Variants in TRMT44 observed in about 807,000 individuals in gnomAD.
The protein encoded by TRMT44 is tRNA methyltransferase 44 homolog.
TRMT44 carries 78 observed loss-of-function variants against 77.3 expected under a neutral mutation model. That is an observed-to-expected ratio of 1.01 (90% CI 0.84 to 1.22). The LOEUF is 1.22. TRMT44 is among the 50% of genes most tolerant of loss of function. The pLI is 0.00. For synonymous variants in TRMT44, 391 were observed against 383.3 expected, an observed-to-expected ratio of 1.02 and a Z score of -0.23; for missense variants, 1,090 against 964.4, an observed-to-expected ratio of 1.13 and a Z score of -1.73.
At chr4:8,486,218 G>C (rs897906337) in intron 2 of TRMT44, among the ~76,000 whole-genome samples, 2 of 152,222 alleles carry the variant, frequency 1.3e-5, no homozygotes, top group African/African-American at 2.4e-5. Context: ...CCTTGGCCTG[G>C]TGGCCAGATT....
chr4:8,467,032 C>A (rs992579775), intron 8 of TRMT44, among the ~76,000 whole-genome samples: 2 of 152,220 alleles, frequency 1.3e-5, no homozygotes, highest in African/African-American at 4.8e-5. Context: ...GGTGCCCTTG[C>A]TGGGGCTGGG....
intron 2 of TRMT44, among the ~76,000 whole-genome samples, chr4:8,481,581 A>G (rs116960732): frequency 6.6e-6 from 1 of 152,308 alleles, no homozygotes; most frequent in East Asian, 1.9e-4. Context: ...CCAACCTACT[A>G]TGTCACTCCT....
chr4:8,483,109 T>C (rs1037576325), intron 2 of TRMT44, among the ~76,000 whole-genome samples: 1 of 152,088 alleles, frequency 6.6e-6, no homozygotes, highest in Non-Finnish European at 1.5e-5. Flanking sequence ...TTTGTATGAA[T>C]TGAAAAACTA....
At chr4:8,460,673 C>A (rs1027546967) in intron 6 of TRMT44, among the ~76,000 whole-genome samples, 2 of 151,860 alleles carry the variant, frequency 1.3e-5, no homozygotes, top group African/African-American at 4.8e-5. Flanking sequence ...TGTGCCTCAA[C>A]CTCCCGGGTA....
intron 6 of TRMT44, 177 bp downstream of exon 6, chr4:8,454,990 A>G: frequency 1.5e-6 from 1 of 646,506 alleles, no homozygotes; most frequent in South Asian, 2.0e-5. Flanking sequence ...ACTAGACTTC[A>G]CAGAACCTTC....
intron 10 of TRMT44, 138 bp downstream of exon 10, chr4:8,471,338 G>C: frequency 1.7e-6 from 1 of 594,214 alleles, no homozygotes; most frequent in Non-Finnish European, 2.8e-6. Context: ...GCCCCACCCA[G>C]CTCTGACGTG....
chr4:8,441,415 C>T lies in TRMT44; in HGVS notation c.593C>T (p.Thr198Ile). The T allele has an allele frequency of 5.3e-6, 8 of 1,521,478 alleles. No individual in the cohort carries two copies. The highest frequency in any genetic ancestry group is 7.0e-6 in the Non-Finnish European group (8 of 1,135,894). The allele number at this position is 1,521,478 out of a possible 1,614,324, so 94.2% of individuals were successfully genotyped here. The change falls in exon 1 of 11, where the codon ACT becomes ATT. Residue 198 changes from threonine (T) to isoleucine (I), a missense_variant. Coordinates refer to ENST00000389737, the MANE Select transcript of TRMT44 (RefSeq NM_152544.3). ...ACTAGCCCACATTGCCCCCTTACAA[C>T]TCCCAGGAGGGAAATAGTCGTGCAA... is the stretch of plus-strand genomic sequence containing the variant. ...PKTSPHCPLTTPRREIVVQDV... is the reference protein window; with the variant it reads ...PKTSPHCPLTIPRREIVVQDV...
At chr4:8,501,088 G>A in the TRMT44 span, among the ~76,000 whole-genome samples, 1 of 152,222 alleles carries the variant, frequency 6.6e-6, no homozygotes, top group African/African-American at 2.4e-5. This position sits in a 1 kb window ranked among gnomAD's most constrained non-coding sequence, Gnocchi z 4.4. Flanking sequence ...GCCCTGCCAG[G>A]CCCCCAGCTG....
intron 2 of TRMT44, among the ~76,000 whole-genome samples, chr4:8,489,456 T>TTTTTG (rs1553864016): frequency 5.8e-5 from 8 of 136,984 alleles, no homozygotes; most frequent in Non-Finnish European, 1.1e-4. Context: ...TGTAGTTTTG[T>TTTTTG]TTTCGTTTTG....
At chr4:8,450,173 G>T (rs1725349364) in intron 3 of TRMT44, among the ~76,000 whole-genome samples, 1 of 151,696 alleles carries the variant, frequency 6.6e-6, no homozygotes, top group Admixed American at 6.6e-5. Flanking sequence ...TCACCATGTT[G>T]CCCAGACTGG....
At chr4:8,459,554 C>A (rs955148984) in intron 6 of TRMT44, among the ~76,000 whole-genome samples, 14 of 152,192 alleles carry the variant, frequency 9.2e-5, no homozygotes, top group African/African-American at 2.2e-4. Flanking sequence ...CTACATAAAT[C>A]TTTGTGTGTA....
At chr4:8,511,080 C>T in the TRMT44 span, 4 of 152,228 alleles carry the variant, frequency 2.6e-5, no homozygotes, top group Non-Finnish European at 4.4e-5. Context: ...CTGGTGGCCC[C>T]GTGGGAGACT....
intron 6 of TRMT44, among the ~76,000 whole-genome samples, chr4:8,460,224 C>G (rs1436993801): frequency 6.6e-6 from 1 of 152,198 alleles, no homozygotes; most frequent in Non-Finnish European, 1.5e-5. Context: ...CGTGGCCTCA[C>G]TTTCCCAGGG....
the TRMT44 span, among the ~76,000 whole-genome samples, chr4:8,503,661 G>A: frequency 1.3e-5 from 2 of 152,234 alleles, no homozygotes; most frequent in Non-Finnish European, 2.9e-5. Context: ...CAGGGTTCCT[G>A]CCATCAACGG....
chr4:8,502,118 G>A, the TRMT44 span, among the ~76,000 whole-genome samples: 1 of 152,220 alleles, frequency 6.6e-6, no homozygotes, highest in African/African-American at 2.4e-5. Flanking sequence ...TCTCCAAAAT[G>A]GTTCTGACCC....
rs995116528 is a variant in TRMT44 at position 8,440,875 on chromosome 4, A to G, written c.53A>G (p.Gln18Arg). Residue 18 changes from glutamine (Q) to arginine (R), a missense_variant, in exon 1 of 11, where the codon CAG (glutamine) becomes CGG (arginine). Physicochemically the swap from Gln to Arg is conservative, Grantham distance 43 (BLOSUM62 1). Coordinates refer to ENST00000389737, the MANE Select transcript of TRMT44 (RefSeq NM_152544.3). ...GISYPGALLP[Q>R]GFWAAVEVWL... ...AGCTACCCAGGCGCGCTTCTCCCAC[A>G]GGGCTTCTGGGCTGCGGTCGAAGTG... The G allele has an allele frequency of 5.9e-6, 9 of 1,524,304 alleles. No individual in the cohort carries two copies. The African/African-American group carries it at 1.1e-4, about 19-fold the overall frequency. The allele number at this position is 1,524,304 out of a possible 1,614,324, so 94.4% of individuals were successfully genotyped here.
chr4:8,456,541 TA>T (rs79030141), intron 6 of TRMT44, among the ~76,000 whole-genome samples: 867 of 125,914 alleles, frequency 6.9e-3, no homozygotes, highest in Middle Eastern at 7.9e-3. Flanking sequence ...GAACTGTTGT[TA>T]AAAAAAAAAA....
chr4:8,500,899 G>T, the TRMT44 span, among the ~76,000 whole-genome samples: 2 of 152,150 alleles, frequency 1.3e-5, no homozygotes, highest in Non-Finnish European at 2.9e-5. Context: ...TGGCCTGAAG[G>T]GATCTGCCCT....
At chr4:8,490,816 C>T (rs1464422802) in intron 2 of TRMT44, among the ~76,000 whole-genome samples, 1 of 152,222 alleles carries the variant, frequency 6.6e-6, no homozygotes, top group Non-Finnish European at 1.5e-5. Flanking sequence ...CACCCACATC[C>T]TGCTGATTGG....
Sources: gnomAD v4.1 joint callset for allele counts (sites outside exome capture counted in the v4.1 genomes callset) on GRCh38, gnomAD v4.1.1 for gene constraint, Gnocchi (gnomAD v3.1) non-coding constraint, MANE v1.5 for transcripts, NCBI Gene and HGNC (gene_info 2026-07-23, HGNC 2026-07-21) for gene names.